PIK3R1: variants seen among roughly 807,000 people sequenced by gnomAD.
The protein encoded by PIK3R1 is phosphatidylinositol 3-kinase regulatory subunit alpha.
PIK3R1 carries 29 observed loss-of-function variants against 98.0 expected under a neutral mutation model. That is an observed-to-expected ratio of 0.30 (90% CI 0.22 to 0.40). The LOEUF is 0.40. Ranked by LOEUF, PIK3R1 falls within the 10% of genes least tolerant of loss-of-function variation. The pLI, the probability that PIK3R1 is intolerant of heterozygous loss-of-function variation, is 1.00. For missense variants in PIK3R1, 596 were observed against 872.7 expected (o/e 0.68, Z 3.99); for synonymous variants, 282 against 311.8 (o/e 0.90, Z 1.01).
At chr5:68,233,038 G>A (rs150830962) in intron 2 of PIK3R1, among the ~76,000 whole-genome samples, 325 of 152,244 alleles carry the variant, frequency 2.1e-3, no homozygotes, top group Middle Eastern at 0.014. Flanking sequence ...TACAACAAGA[G>A]ACATTCTGAT....
At position 68,295,484 on chromosome 5, in the gene PIK3R1, GAAGAGTAAGTAGTTACTA is replaced by G; in HGVS notation, c.1814+1_1814+18del. 1 of 1,613,364 alleles carries G rather than the reference GAAGAGTAAGTAGTTACTA, an allele frequency of 6.2e-7. No individual in the cohort carries two copies. Among genetic ancestry groups the G allele is most frequent in the Non-Finnish European group, 8.5e-7 (1 of 1,179,264 alleles). On this transcript the variant is annotated splice_donor_variant and splice_donor_5th_base_variant and coding_sequence_variant and intron_variant, in exon 14 of 16. Coordinates refer to ENST00000521381, the MANE Select transcript of PIK3R1 (RefSeq NM_181523.3). LOFTEE classifies it high-confidence loss of function. Reference sequence around the variant, plus strand: ...CGAGTGGTTGGGCAATGAAAACACTGAAGAGTAAGTAGTTACTAAAGATGGTGATAGCAGAAGATTTTT... The same window carrying G: ...CGAGTGGTTGGGCAATGAAAACACTGAAGATGGTGATAGCAGAAGATTTTT...
chr5:68,238,342 C>G (rs1030026573), intron 2 of PIK3R1, among the ~76,000 whole-genome samples: 1 of 152,118 alleles, frequency 6.6e-6, no homozygotes, highest in Admixed American at 6.6e-5. Flanking sequence ...CTAACCGAGC[C>G]TACTGAACCA....
chr5:68,255,910 C>A (rs1349014873), intron 2 of PIK3R1, among the ~76,000 whole-genome samples: 2 of 152,206 alleles, frequency 1.3e-5, no homozygotes, highest in Non-Finnish European at 2.9e-5. Flanking sequence ...AACCACAGAG[C>A]CATGGGCCTT....
intron 2 of PIK3R1, among the ~76,000 whole-genome samples, chr5:68,272,922 A>G (rs1007066313): frequency 1.3e-5 from 2 of 152,172 alleles, no homozygotes; most frequent in African/African-American, 2.4e-5. Context: ...AATCTGTCCC[A>G]TCCTTTCTAG....
chr5:68,257,102 C>T (rs908232080), intron 2 of PIK3R1, among the ~76,000 whole-genome samples: 3 of 152,212 alleles, frequency 2.0e-5, no homozygotes, highest in Non-Finnish European at 2.9e-5. Flanking sequence ...CTGCCTGGCC[C>T]AGCCAAGCCC....
chr5:68,277,429 C>G (rs1746623929), intron 4 of PIK3R1, among the ~76,000 whole-genome samples: 1 of 152,190 alleles, frequency 6.6e-6, no homozygotes, highest in Non-Finnish European at 1.5e-5. Context: ...CACTTCGCCT[C>G]TTCACCTTTT....
chr5:68,228,789 A>G (rs1744372728), intron 2 of PIK3R1, among the ~76,000 whole-genome samples: 1 of 152,204 alleles, frequency 6.6e-6, no homozygotes, highest in South Asian at 2.1e-4. Flanking sequence ...AAACAATTTT[A>G]TAAAAGCAGT....
chr5:68,227,801 T>C (rs1355047960), intron 2 of PIK3R1, among the ~76,000 whole-genome samples: 1 of 152,206 alleles, frequency 6.6e-6, no homozygotes, highest in African/African-American at 2.4e-5. Context: ...TTAATGCCTA[T>C]AGTCTGGTTC....
chr5:68,275,844 T>C (rs966555753), intron 4 of PIK3R1, among the ~76,000 whole-genome samples: 2 of 152,162 alleles, frequency 1.3e-5, no homozygotes, highest in Admixed American at 6.5e-5. Flanking sequence ...AAAAAAATTA[T>C]GGCTTTTAAC....
At chr5:68,269,220 T>C (rs549730373) in intron 2 of PIK3R1, among the ~76,000 whole-genome samples, 4 of 152,220 alleles carry the variant, frequency 2.6e-5, no homozygotes, top group Non-Finnish European at 5.9e-5. Context: ...ATGATTTAGC[T>C]AGTGAAAAAC....
rs1351752780 is a variant in PIK3R1, at chr5:68,236,374, C to T, written c.334+9365C>T. On this transcript the variant is annotated intron_variant, in intron 2 of 15. Transcript: ENST00000521381. ...ACGCCATTCTCCTGTCTCAGCCTCCCGAGTAGCTGGGACTACAGGCACCTG... is the reference window on the plus strand; with the variant it reads ...ACGCCATTCTCCTGTCTCAGCCTCCTGAGTAGCTGGGACTACAGGCACCTG... Among the ~76,000 whole-genome samples the T allele has an allele frequency of 4.6e-5, 7 of 152,140 alleles. No individual in the cohort carries two copies. The South Asian group carries it at 1.2e-3, about 27-fold the overall frequency.
At chr5:68,245,318 T>A (rs1264988752) in intron 2 of PIK3R1, among the ~76,000 whole-genome samples, 1 of 152,142 alleles carries the variant, frequency 6.6e-6, no homozygotes, top group Non-Finnish European at 1.5e-5. Context: ...ATGCTTTTTT[T>A]TTAAAAAAAA....
intron 4 of PIK3R1, 25 bp from the exon 5 acceptor site, chr5:68,279,577 A>G: frequency 6.2e-7 from 1 of 1,603,662 alleles, no homozygotes; most frequent in Non-Finnish European, 8.5e-7. Context: ...TAAATGTCTG[A>G]AATATTTCTT....
At chr5:68,258,007 G>A (rs1255901018) in intron 2 of PIK3R1, among the ~76,000 whole-genome samples, 1 of 152,152 alleles carries the variant, frequency 6.6e-6, no homozygotes. Flanking sequence ...TTCCCTTGGG[G>A]ATCCAAACTG....
chr5:68,264,380 A>G (rs1746038016), intron 2 of PIK3R1, among the ~76,000 whole-genome samples: 1 of 152,216 alleles, frequency 6.6e-6, no homozygotes, highest in Admixed American at 6.5e-5. Flanking sequence ...GGCAACCTAG[A>G]TTCACAGAGT....
chr5:68,237,027 T>A (rs1744692646), intron 2 of PIK3R1, among the ~76,000 whole-genome samples: 1 of 152,240 alleles, frequency 6.6e-6, no homozygotes, highest in Non-Finnish European at 1.5e-5. Context: ...TCGTTTCTGT[T>A]GTTTTTGAAG....
At chr5:68,217,975 C>A (rs1176320300) in intron 1 of PIK3R1, among the ~76,000 whole-genome samples, 1 of 152,186 alleles carries the variant, frequency 6.6e-6, no homozygotes, top group East Asian at 1.9e-4. Context: ...AGTGTACACA[C>A]TGCTATTTGA....
intron 2 of PIK3R1, 36 bp downstream of exon 2, chr5:68,227,045 T>C: frequency 6.6e-7 from 1 of 1,526,126 alleles, no homozygotes; most frequent in African/African-American, 1.4e-5. Flanking sequence ...ATGACTCCCT[T>C]TCTTTTTCTT....
intron 7 of PIK3R1, chr5:68,290,654 A>C: frequency 6.6e-7 from 1 of 1,524,698 alleles, no homozygotes; most frequent in Non-Finnish European, 8.8e-7. Context: ...TTTAAAATGA[A>C]TTCCAAGACA....
Sources: allele counts gnomAD v4.1 joint callset (sites outside exome capture counted in the v4.1 genomes callset), GRCh38; gene constraint gnomAD v4.1.1; transcripts MANE v1.5; gene names NCBI Gene and HGNC (gene_info 2026-07-23, HGNC 2026-07-21).